GRIA1: variants seen among roughly 807,000 people sequenced by gnomAD.
The protein encoded by GRIA1 is glutamate receptor 1.
GRIA1 carries 31 observed loss-of-function variants against 99.2 expected under a neutral mutation model. The observed-to-expected ratio is 0.31, with a 90% confidence interval of 0.23 to 0.42. The LOEUF (loss-of-function observed/expected upper bound fraction) is 0.42, where lower values mean the gene tolerates loss of function less well. Among genes scored for constraint, GRIA1 ranks in the 10% least tolerant of loss-of-function variants. The pLI is 1.00. For missense variants in GRIA1, 782 were observed against 1,157.5 expected, an observed-to-expected ratio of 0.68 and a Z score of 4.71; for synonymous variants, 438 against 432.4, an observed-to-expected ratio of 1.01 and a Z score of -0.16.
intron 11 of GRIA1, among the ~76,000 whole-genome samples, chr5:153,721,551 G>T (rs1026253722): frequency 2.6e-5 from 4 of 152,118 alleles, no homozygotes; most frequent in African/African-American, 9.7e-5. Flanking sequence ...CCGCTCCCCT[G>T]ATTTCTGATG....
At position 153,647,163 on chromosome 5, in the gene GRIA1, C is replaced by A. The variant is rs981279186; in HGVS notation, c.456C>A (p.Asp152Glu). 1 of 1,613,594 alleles carries A rather than the reference C, an allele frequency of 6.2e-7. No homozygotes were observed. Among genetic ancestry groups the A allele is most frequent in the African/African-American group, 1.3e-5 (1 of 74,956 alleles). ...WQKFVYIYDA[D>E]RGLSVLQKVL... The stretch of plus-strand genomic sequence containing the variant: ...AATTTGTCTACATTTATGATGCCGA[C>A]CGGGGTAAGCCAAGGGTTAGGGGAG... The change falls in exon 3 of 16, where the codon GAC (aspartate) becomes GAA (glutamate). Residue 152 changes from aspartate (D) to glutamate (E), a missense_variant. Physicochemically the swap from Asp to Glu is conservative, Grantham distance 45. This residue lies in a region of GRIA1 where 461 missense variants were observed against 521.7 expected (regional missense o/e 0.88). Coordinates refer to ENST00000285900, the MANE Select transcript of GRIA1 (RefSeq NM_000827.4).
chr5:153,552,584 C>T (rs558923857), intron 2 of GRIA1, among the ~76,000 whole-genome samples: 6 of 152,172 alleles, frequency 3.9e-5, no homozygotes, highest in Non-Finnish European at 4.4e-5. Flanking sequence ...CTGGGGAGGA[C>T]CAAGCTGTCA....
At chr5:153,721,575 T>C (rs987870512) in intron 11 of GRIA1, among the ~76,000 whole-genome samples, 3 of 152,230 alleles carry the variant, frequency 2.0e-5, no homozygotes, top group Non-Finnish European at 2.9e-5. Flanking sequence ...AGAGTAGTTT[T>C]ATGAATTGAA....
chr5:153,603,556 A>C (rs887240048), intron 2 of GRIA1, among the ~76,000 whole-genome samples: 20 of 152,152 alleles, frequency 1.3e-4, no homozygotes, highest in African/African-American at 4.8e-4. Flanking sequence ...ACCAGTATTT[A>C]TTGAGTGCCT....
intron 13 of GRIA1, among the ~76,000 whole-genome samples, chr5:153,777,327 C>G (rs1430117159): frequency 6.6e-6 from 1 of 152,078 alleles, no homozygotes; most frequent in Non-Finnish European, 1.5e-5. Flanking sequence ...TGGGAGATGA[C>G]CAGGAATCCT....
chr5:153,584,505 G>T (rs1290096876), intron 2 of GRIA1, among the ~76,000 whole-genome samples: 1 of 152,176 alleles, frequency 6.6e-6, no homozygotes, highest in Admixed American at 6.5e-5. Flanking sequence ...CCTCACAGCA[G>T]ATGCATTTAA....
chr5:153,794,515 C>A (rs192957011), intron 13 of GRIA1, 106 bp from the exon 14 acceptor site: 2 of 771,872 alleles, frequency 2.6e-6, no homozygotes, highest in Non-Finnish European at 2.3e-6. Flanking sequence ...AAAGGGCAAC[C>A]TGGCAGGCTG....
intron 2 of GRIA1, among the ~76,000 whole-genome samples, chr5:153,545,199 AG>A (rs1487528379): frequency 1.3e-5 from 2 of 152,176 alleles, no homozygotes; most frequent in Admixed American, 6.6e-5. Flanking sequence ...AGATGGATCA[AG>A]GGTCCAGGCT....
rs17114870 is a variant in GRIA1 at position 153,600,593 on chromosome 5, T to C, written c.221-46335T>C. On this transcript the variant is annotated intron_variant, in intron 2 of 15. Coordinates refer to ENST00000285900, the MANE Select transcript of GRIA1 (RefSeq NM_000827.4). ...CCAAAGCACCTACATACATAGAAAA[T>C]GGTGATCTCAAGCCTCAGAGTGAAA... Among the ~76,000 whole-genome samples, 343 of 151,632 alleles carry C rather than the reference T, an allele frequency of 2.3e-3. 7 individuals carry two copies. In the East Asian group the frequency reaches 0.062, roughly 27 times the overall value.
chr5:153,613,270 G>A (rs1445997029), intron 2 of GRIA1, among the ~76,000 whole-genome samples: 1 of 152,166 alleles, frequency 6.6e-6, no homozygotes, highest in Non-Finnish European at 1.5e-5. Flanking sequence ...CTTTCAGGCA[G>A]GAGCAGTTCC....
At chr5:153,675,549 A>G (rs145994013) in intron 6 of GRIA1, among the ~76,000 whole-genome samples, 1 of 152,242 alleles carries the variant, frequency 6.6e-6, no homozygotes, top group East Asian at 1.9e-4. Flanking sequence ...TGTGTTGAGA[A>G]GGATACTAAG....
rs372434271 is a variant in GRIA1, at chr5:153,764,515, C to G, written c.1905C>G (p.Ala635=). The part of the protein sequence containing the change: ...IIISSYTANL[A]AFLTVERMVS... Reference sequence around the variant, plus strand: ...TCTCCTCATATACAGCCAATCTGGCCGCCTTCCTGACCGTGGAGAGGATGG... The same window carrying G: ...TCTCCTCATATACAGCCAATCTGGCGGCCTTCCTGACCGTGGAGAGGATGG... Residue 635 remains alanine (A), a synonymous_variant, in exon 12 of 16, where the codon GCC becomes GCG. Transcript: ENST00000285900. 1 of 1,613,630 alleles carries G rather than the reference C, an allele frequency of 6.2e-7. No homozygotes were observed. Among genetic ancestry groups the G allele is most frequent in the East Asian group, 2.2e-5 (1 of 44,864 alleles).
At chr5:153,540,484 C>A (rs1758975564) in intron 2 of GRIA1, among the ~76,000 whole-genome samples, 1 of 152,178 alleles carries the variant, frequency 6.6e-6, no homozygotes, top group Non-Finnish European at 1.5e-5. Context: ...CATGGCCCCC[C>A]AGAGCACTCC....
chr5:153,801,894 CG>C (rs75283881), intron 14 of GRIA1, among the ~76,000 whole-genome samples: 11,458 of 124,238 alleles, frequency 0.092, 1,032 homozygotes, highest in East Asian at 0.56. Context: ...GAAAAATGCT[CG>C]GGGACATAAA....
chr5:153,600,279 A>C (rs1282420278), intron 2 of GRIA1, among the ~76,000 whole-genome samples: 5 of 150,754 alleles, frequency 3.3e-5, no homozygotes, highest in Admixed American at 6.6e-5. Context: ...GTAGTCCCAG[A>C]TACTCGGGAG....
chr5:153,523,710 G>T (rs978539269), intron 2 of GRIA1, among the ~76,000 whole-genome samples: 3 of 152,070 alleles, frequency 2.0e-5, no homozygotes, highest in African/African-American at 7.2e-5. Flanking sequence ...AATGCTGCGA[G>T]GATAGAATTG....
At chr5:153,528,011 T>C (rs1325025849) in intron 2 of GRIA1, among the ~76,000 whole-genome samples, 2 of 152,204 alleles carry the variant, frequency 1.3e-5, no homozygotes, top group African/African-American at 4.8e-5. Flanking sequence ...TTTGACTTAT[T>C]ACTTTATGAG....
chr5:153,751,441 C>A (rs1398872750), intron 11 of GRIA1, among the ~76,000 whole-genome samples: 1 of 152,242 alleles, frequency 6.6e-6, no homozygotes, highest in Admixed American at 6.5e-5. Flanking sequence ...ACTATGGCCC[C>A]CAGGCCAAAT....
intron 2 of GRIA1, among the ~76,000 whole-genome samples, chr5:153,545,140 A>C (rs918502608): frequency 6.6e-6 from 1 of 152,198 alleles, no homozygotes; most frequent in African/African-American, 2.4e-5. Context: ...GAAACATTGA[A>C]AGATGGAGAT....
Sources: allele counts gnomAD v4.1 joint callset (sites outside exome capture counted in the v4.1 genomes callset), GRCh38; gene constraint gnomAD v4.1.1; regional missense constraint gnomAD v4.1.1; transcripts MANE v1.5; gene names NCBI Gene and HGNC (gene_info 2026-07-23, HGNC 2026-07-21).